Variants in TMEM45A observed in about 807,000 individuals in gnomAD.
TMEM45A encodes the protein transmembrane protein 45A.
In TMEM45A, 25 loss-of-function variants were observed where a neutral mutation model predicts 32.0. That is an observed-to-expected ratio of 0.78 (90% CI 0.57 to 1.09). TMEM45A has a LOEUF of 1.09. Ranked by LOEUF, TMEM45A falls within the 50% of genes least tolerant of loss-of-function variation. The pLI is 0.00. For missense variants in TMEM45A, 302 were observed against 325.0 expected (o/e 0.93, Z 0.54); for synonymous variants, 122 against 114.8 (o/e 1.06, Z -0.40).
intron 1 of TMEM45A, among the ~76,000 whole-genome samples, chr3:100,506,988 C>G (rs1014651399): frequency 6.6e-6 from 1 of 152,182 alleles, no homozygotes; most frequent in Admixed American, 6.5e-5. Flanking sequence ...ACTAAAGAGT[C>G]AGGGTTTGTT....
At chr3:100,530,193 T>C (rs1292472038) in intron 1 of TMEM45A, among the ~76,000 whole-genome samples, 4 of 152,206 alleles carry the variant, frequency 2.6e-5, no homozygotes, top group Admixed American at 2.6e-4. Context: ...TAAGTTAGGG[T>C]TCTCTAGAGA....
At chr3:100,539,079 T>C (rs1173710436) in intron 1 of TMEM45A, among the ~76,000 whole-genome samples, 1 of 152,222 alleles carries the variant, frequency 6.6e-6, no homozygotes, top group African/African-American at 2.4e-5. Flanking sequence ...AGCAAGTTAC[T>C]TTGTGGATAT....
intron 1 of TMEM45A, among the ~76,000 whole-genome samples, chr3:100,537,687 G>A (rs1254778825): frequency 6.6e-5 from 10 of 152,206 alleles, no homozygotes; most frequent in African/African-American, 2.2e-4. Flanking sequence ...ATAAGAACAG[G>A]GCCACAGGGC....
intron 1 of TMEM45A, among the ~76,000 whole-genome samples, chr3:100,511,653 G>A (rs1480053338): frequency 6.6e-6 from 1 of 150,386 alleles, no homozygotes; most frequent in East Asian, 1.9e-4. Context: ...TGGACTAAAT[G>A]CTCCAATTAA....
intron 1 of TMEM45A, among the ~76,000 whole-genome samples, chr3:100,531,018 A>T (rs1195926808): frequency 6.6e-6 from 1 of 152,146 alleles, no homozygotes; most frequent in African/African-American, 2.4e-5. Context: ...TCCTGCAAAA[A>T]TACATTGGGT....
At chr3:100,552,677 G>A (rs1254876820) in intron 1 of TMEM45A, among the ~76,000 whole-genome samples, 2 of 152,174 alleles carry the variant, frequency 1.3e-5, no homozygotes, top group Non-Finnish European at 2.9e-5. Context: ...TTCAGTTTTG[G>A]GGTATTTTGA....
chr3:100,569,102 C>A (rs1037564995), intron 5 of TMEM45A, 135 bp downstream of exon 5: 8 of 904,556 alleles, frequency 8.8e-6, no homozygotes, highest in Non-Finnish European at 1.3e-5. Context: ...CATAGCAGAA[C>A]ATTATCTGCA....
At chr3:100,574,732 G>C (rs1317620194) in intron 5 of TMEM45A, 1 of 152,106 alleles carries the variant, frequency 6.6e-6, no homozygotes, top group African/African-American at 2.4e-5. Flanking sequence ...ACACCTCTTG[G>C]CACACTGCCA....
chr3:100,504,446 C>A (rs963808054), intron 1 of TMEM45A, among the ~76,000 whole-genome samples: 9 of 152,172 alleles, frequency 5.9e-5, no homozygotes, highest in Admixed American at 1.3e-4. Context: ...CCCCGTATAA[C>A]CTATGCACCA....
chr3:100,509,907 C>A (rs1708131340), intron 1 of TMEM45A, among the ~76,000 whole-genome samples: 1 of 152,172 alleles, frequency 6.6e-6, no homozygotes, highest in South Asian at 2.1e-4. Flanking sequence ...TGCGCTTTTC[C>A]AACGGGCTTA....
At position 100,576,979 on chromosome 3, in the gene TMEM45A, A is replaced by C; in HGVS notation, c.789A>C (p.Lys263Asn). ...GCTCCTCAGAAGTTGGACTTCTGAA[A>C]AATGCTGAACGAGAACAAGAATCAG... ...RLCSSEVGLL[K>N]NAEREQESEE... The change falls in exon 6 of 6, where the codon AAA becomes AAC. Residue 263 changes from lysine to asparagine, a missense_variant. Lys to Asn is a moderately conservative substitution (Grantham distance 94). Coordinates refer to ENST00000323523, the MANE Select transcript of TMEM45A (RefSeq NM_018004.3). The C allele has an allele frequency of 6.2e-7, 1 of 1,613,658 alleles. No homozygotes were observed. The highest frequency in any genetic ancestry group is 8.5e-7 in the Non-Finnish European group (1 of 1,179,930).
chr3:100,539,514 C>T (rs6441321), intron 1 of TMEM45A, among the ~76,000 whole-genome samples: 60,299 of 128,746 alleles, frequency 0.47, 16,250 homozygotes, highest in African/African-American at 0.65. Context: ...TATACGTATA[C>T]GTATATGTGG....
intron 1 of TMEM45A, among the ~76,000 whole-genome samples, chr3:100,529,289 T>G (rs1705604605): frequency 6.6e-6 from 1 of 152,230 alleles, no homozygotes; most frequent in African/African-American, 2.4e-5. Flanking sequence ...ACCTCATTCT[T>G]TCTTTCACTG....
At chr3:100,504,421 T>G (rs1283486012) in intron 1 of TMEM45A, among the ~76,000 whole-genome samples, 1 of 152,218 alleles carries the variant, frequency 6.6e-6, no homozygotes, top group Non-Finnish European at 1.5e-5. Flanking sequence ...AAGGGTCTCC[T>G]GACTTTGATT....
chr3:100,523,031 G>T (rs1705464346), intron 1 of TMEM45A, among the ~76,000 whole-genome samples: 1 of 152,192 alleles, frequency 6.6e-6, no homozygotes. Flanking sequence ...AGCATGACCA[G>T]GATCCTTGGC....
At position 100,556,863 on chromosome 3, in the gene TMEM45A, G is replaced by A; in HGVS notation, c.294G>A (p.Met98Ile). ...NQLLGWHHFT[M>I]YFFFGLLGVA... ...TCCTGGGCTGGCATCATTTCACCAT[G>A]TATTTCTTCTTTGGGCTGTTGGGTG... Residue 98 changes from methionine to isoleucine, a missense_variant, in exon 3 of 6, where the codon ATG (methionine) becomes ATA (isoleucine). Met to Ile is a conservative substitution (Grantham distance 10). Transcript: ENST00000323523. 1 of 1,614,150 alleles carries A rather than the reference G, an allele frequency of 6.2e-7. No individual in the cohort carries two copies. Among genetic ancestry groups the A allele is most frequent in the Non-Finnish European group, 8.5e-7 (1 of 1,180,016 alleles).
chr3:100,575,102 A>G (rs1706654626), intron 5 of TMEM45A, among the ~76,000 whole-genome samples: 1 of 152,148 alleles, frequency 6.6e-6, no homozygotes, highest in Non-Finnish European at 1.5e-5. Flanking sequence ...TTCATTTGTG[A>G]AGAGTGATAT....
At chr3:100,520,916 A>G (rs931774397) in intron 1 of TMEM45A, among the ~76,000 whole-genome samples, 1 of 152,096 alleles carries the variant, frequency 6.6e-6, no homozygotes, top group African/African-American at 2.4e-5. Flanking sequence ...CCTGGAAGCA[A>G]CCTTTGCAGT....
chr3:100,574,664 G>A (rs948496692), intron 5 of TMEM45A: 10 of 152,206 alleles, frequency 6.6e-5, no homozygotes, highest in African/African-American at 2.2e-4. Flanking sequence ...ATGTGGGTTA[G>A]TGTTATCTAC....
Sources: allele counts gnomAD v4.1 joint callset (sites outside exome capture counted in the v4.1 genomes callset), GRCh38; gene constraint gnomAD v4.1.1; transcripts MANE v1.5; gene names NCBI Gene and HGNC (gene_info 2026-07-23, HGNC 2026-07-21).